Variants in CSF1R observed in about 807,000 individuals in gnomAD.
CSF1R encodes macrophage colony-stimulating factor 1 receptor.
In CSF1R, 40 loss-of-function variants were observed where a neutral mutation model predicts 110.0. That is an observed-to-expected ratio of 0.36 (90% confidence interval 0.28 to 0.47). The LOEUF (loss-of-function observed/expected upper bound fraction) is 0.47, where lower values mean the gene tolerates loss of function less well. CSF1R is among the 20% of genes least tolerant of loss of function. CSF1R has a pLI of 0.99. For missense variants in CSF1R, 1,052 were observed against 1,253.0 expected (o/e 0.84, Z 2.42); for synonymous variants, 523 against 503.4 (o/e 1.04, Z -0.52).
chr5:150,096,391 A>AAAAG (rs532343316), intron 1 of CSF1R, among the ~76,000 whole-genome samples: 19 of 152,084 alleles, frequency 1.2e-4, no homozygotes, highest in South Asian at 2.1e-4. Flanking sequence ...ACTCCATCTC[A>AAAAG]AAAGAAAGAA....
intron 10 of CSF1R, 112 bp from the exon 11 acceptor site, chr5:150,061,961 G>A: frequency 6.8e-7 from 1 of 1,477,870 alleles, no homozygotes; most frequent in East Asian, 2.3e-5. Flanking sequence ...CCCAGTGGGA[G>A]AAGGCAGGGC....
rs75215914 is a variant in CSF1R at position 150,108,664 on chromosome 5, C to T, written c.-181+4597G>A. On this transcript the variant is annotated intron_variant, in intron 1 of 21. Coordinates refer to the CSF1R transcript ENST00000286301. ...TTAGAATTCTGTGATTTTCCAGAAA[C>T]TGTGTTACTTCCCCATGTTTGTGAC... Among the ~76,000 whole-genome samples, 739 of 152,328 alleles carry T rather than the reference C, an allele frequency of 4.9e-3. 1 individual carries two copies. Among genetic ancestry groups the T allele is most frequent in the Non-Finnish European group, 8.2e-3 (557 of 68,032 alleles).
chr5:150,088,445 A>C (rs1008914813), upstream of CSF1R, among the ~76,000 whole-genome samples: 3 of 152,242 alleles, frequency 2.0e-5, no homozygotes, highest in African/African-American at 7.2e-5. Flanking sequence ...TTGCCAGAAA[A>C]GATAACTACA....
intron 5 of CSF1R, chr5:150,076,994 G>A: frequency 2.1e-6 from 1 of 484,952 alleles, no homozygotes; most frequent in Non-Finnish European, 3.8e-6. Context: ...AAGTCCAGTA[G>A]GGAGCTACTG....
intron 1 of CSF1R, among the ~76,000 whole-genome samples, chr5:150,105,391 T>A (rs902236915): frequency 1.5e-5 from 2 of 136,842 alleles, no homozygotes; most frequent in African/African-American, 3.1e-5. Context: ...TATATTTTTT[T>A]TTTTTTAATA....
chr5:150,101,489 G>T (rs1759402014), intron 1 of CSF1R, among the ~76,000 whole-genome samples: 1 of 152,196 alleles, frequency 6.6e-6, no homozygotes, highest in Non-Finnish European at 1.5e-5. Context: ...GCCTGGGAAG[G>T]TTGGATTTTG....
chr5:150,053,651 G>T lies in CSF1R; in HGVS notation c.*418C>A. 3.4e-6 allele frequency: 1 copy of T among 290,286 alleles called. No individual in the cohort carries two copies. The highest frequency in any genetic ancestry group is 6.5e-6 in the Non-Finnish European group (1 of 152,806). 18.0% of individuals were successfully genotyped at this position (290,286 alleles called of 1,614,324 possible). A position where few individuals can be genotyped will look rare whatever the true frequency, so the allele number is the denominator to read the frequency against. On this transcript the variant is annotated 3_prime_UTR_variant, in exon 21 of 21. Coordinates refer to ENST00000675795, the MANE Select transcript of CSF1R (RefSeq NM_001288705.3). The stretch of plus-strand genomic sequence containing the variant: ...GCATCTGCTGCTCCTCTCAGAGAGG[G>T]AGATCTCACTCTCTGCCAGTCTGTC...
chr5:150,097,816 A>G (rs1759276669), intron 1 of CSF1R, among the ~76,000 whole-genome samples: 1 of 152,214 alleles, frequency 6.6e-6, no homozygotes, highest in South Asian at 2.1e-4. Flanking sequence ...ATTTTTGAGC[A>G]TGCTGATTCT....
intron 1 of CSF1R, among the ~76,000 whole-genome samples, chr5:150,107,450 T>C (rs1304371946): frequency 6.6e-6 from 1 of 152,262 alleles, no homozygotes; most frequent in Non-Finnish European, 1.5e-5. Context: ...TGCCAGTCTC[T>C]GGACTGAGCT....
At position 150,068,315 on chromosome 5, in the gene CSF1R, G is replaced by A. The variant is rs1459171593; in HGVS notation, c.1526C>T (p.Pro509Leu). The change falls in exon 10 of 21, where the codon CCC (proline) becomes CTC (leucine). Residue 509 changes from proline to leucine, a missense_variant. By Grantham distance (98) the Pro-to-Leu change is moderately conservative (BLOSUM62 -3). This residue lies in a region of CSF1R where 693 missense variants were observed against 735.4 expected (regional missense o/e 0.94). Coordinates refer to ENST00000675795, the MANE Select transcript of CSF1R (RefSeq NM_001288705.3). ...IPISAGAHTHPPDEFLFTPVV... is the reference protein window; with the variant it reads ...IPISAGAHTHLPDEFLFTPVV... The stretch of plus-strand genomic sequence containing the variant: ...TGGTGTGAAGAGGAACTCATCCGGG[G>A]GATGCGTGTGGGCTCCTGGAAGGCA... 1.2e-6 allele frequency: 2 copies of A among 1,612,588 alleles called. No individual in the cohort carries two copies. Among genetic ancestry groups the A allele is most frequent in the Non-Finnish European group, 1.7e-6 (2 of 1,179,648 alleles).
In CSF1R at chr5:150,057,501, C is replaced by T; in HGVS notation, c.2221+3G>A. 3 of 1,614,086 alleles carry T rather than the reference C, an allele frequency of 1.9e-6. No homozygotes were observed. Among genetic ancestry groups the T allele is most frequent in the Non-Finnish European group, 2.5e-6 (3 of 1,179,888 alleles). On this transcript the variant is annotated splice_donor_region_variant and intron_variant, in intron 15 of 20. Transcript: ENST00000675795. ...ATGGGGCCTGGCCCTGGGACCTCCT[C>T]ACCTTGCTCAGAGAAGGAGTCATTT...
chr5:150,096,161 G>A (rs552021367), intron 1 of CSF1R, among the ~76,000 whole-genome samples: 4 of 152,228 alleles, frequency 2.6e-5, no homozygotes, highest in East Asian at 3.9e-4. Context: ...AGACCGAGGC[G>A]GGCGGATCAT....
At chr5:150,059,202 GC>G (rs1166297576) in intron 14 of CSF1R, among the ~76,000 whole-genome samples, 1 of 151,998 alleles carries the variant, frequency 6.6e-6, no homozygotes, top group East Asian at 1.9e-4. Flanking sequence ...GCGCCACCAC[GC>G]CCGGCTAATT....
At chr5:150,105,347 CAAAA>C (rs780403646) in intron 1 of CSF1R, among the ~76,000 whole-genome samples, 2,127 of 76,438 alleles carry the variant, frequency 0.028, 35 homozygotes, top group Middle Eastern at 0.045. Context: ...GACTCTGTCT[CAAAA>C]AAAAAAAAAA....
At chr5:150,095,248 G>T (rs1289379838) in intron 1 of CSF1R, among the ~76,000 whole-genome samples, 1 of 151,890 alleles carries the variant, frequency 6.6e-6, no homozygotes, top group Admixed American at 6.6e-5. Context: ...GAGCAAATCA[G>T]CAAGGTTATA....
intron 10 of CSF1R, among the ~76,000 whole-genome samples, chr5:150,065,283 T>C (rs1034183775): frequency 1.3e-5 from 2 of 151,752 alleles, no homozygotes; most frequent in Admixed American, 1.3e-4. Flanking sequence ...AGTGGAATCT[T>C]TGGGGACCCT....
At chr5:150,057,169 T>G in intron 16 of CSF1R, 118 bp downstream of exon 16, 2 of 809,198 alleles carry the variant, frequency 2.5e-6, no homozygotes, top group Admixed American at 4.5e-5. Context: ...TCTCTCATAC[T>G]CTGTCTCCTC....
intron 1 of CSF1R, among the ~76,000 whole-genome samples, chr5:150,100,935 G>T (rs1439338369): frequency 1.3e-5 from 2 of 152,162 alleles, no homozygotes; most frequent in Non-Finnish European, 2.9e-5. Flanking sequence ...TTACATGGTG[G>T]CAAATGCCTT....
chr5:150,091,331 C>G (rs144520586), upstream of CSF1R, among the ~76,000 whole-genome samples: 1 of 152,136 alleles, frequency 6.6e-6, no homozygotes, highest in Non-Finnish European at 1.5e-5. Flanking sequence ...AATACATGCA[C>G]GCAAATATTC....
Sources: gnomAD v4.1 joint callset for allele counts (sites outside exome capture counted in the v4.1 genomes callset) on GRCh38, gnomAD v4.1.1 for gene constraint, gnomAD v4.1.1 regional missense constraint, MANE v1.5 for transcripts, NCBI Gene and HGNC (gene_info 2026-07-23, HGNC 2026-07-21) for gene names.